The following DLG2 variants were observed in gnomAD, a reference collection of about 807,000 sequenced individuals.
DLG2 encodes disks large homolog 2.
In DLG2, 45 loss-of-function variants were observed where a neutral mutation model predicts 132.5. The ratio of observed to expected loss-of-function variants is 0.34; its 90% CI spans 0.27 to 0.44. The LOEUF is 0.44. DLG2 is among the 20% of genes least tolerant of loss of function. The pLI is 1.00. For synonymous variants in DLG2, 424 were observed against 419.6 expected (o/e 1.01, Z -0.13); for missense variants, 1,045 against 1,196.9 (o/e 0.87, Z 1.87).
intron 14 of DLG2, among the ~76,000 whole-genome samples, chr11:83,958,735 T>C (rs2087607395): frequency 6.6e-6 from 1 of 152,146 alleles, no homozygotes; most frequent in South Asian, 2.1e-4. Context: ...ATAGAACTCA[T>C]AGTTACCGGT....
At chr11:84,787,544 C>A (rs1481552452) in intron 6 of DLG2, among the ~76,000 whole-genome samples, 2 of 152,146 alleles carry the variant, frequency 1.3e-5, no homozygotes, top group African/African-American at 4.8e-5. Context: ...TCCCTCTGTT[C>A]CACCTCTTTA....
intron 18 of DLG2, among the ~76,000 whole-genome samples, chr11:83,751,907 T>C (rs2153736730): frequency 6.6e-6 from 1 of 152,328 alleles, no homozygotes; most frequent in Middle Eastern, 3.4e-3. Context: ...TGGGAATTAT[T>C]AGCATTGAGC....
At chr11:83,926,641 A>G (rs918110562) in intron 15 of DLG2, among the ~76,000 whole-genome samples, 1 of 152,114 alleles carries the variant, frequency 6.6e-6, no homozygotes, top group East Asian at 1.9e-4. Context: ...GAATATTTAT[A>G]TTTAACCATG....
intron 18 of DLG2, among the ~76,000 whole-genome samples, chr11:83,662,048 T>G (rs183183275): frequency 6.6e-6 from 1 of 152,178 alleles, no homozygotes. Flanking sequence ...TCAAAGATGG[T>G]CTACCTTAAA....
At chr11:84,502,363 T>A (rs999334024) in intron 7 of DLG2, among the ~76,000 whole-genome samples, 2 of 78,602 alleles carry the variant, frequency 2.5e-5, no homozygotes, top group African/African-American at 7.4e-5. Context: ...TCTTTCTTTC[T>A]TTCTTTCTTT....
intron 6 of DLG2, among the ~76,000 whole-genome samples, chr11:84,550,143 CACACACAT>C (rs915860044): frequency 2.0e-5 from 3 of 151,706 alleles, no homozygotes; most frequent in Admixed American, 1.3e-4. Context: ...CACACACACA[CACACACAT>C]ACACACACAT....
intron 18 of DLG2, among the ~76,000 whole-genome samples, chr11:83,657,130 C>G (rs1005330797): frequency 6.6e-6 from 1 of 152,188 alleles, no homozygotes; most frequent in African/African-American, 2.4e-5. Flanking sequence ...TAAAACTTGT[C>G]TTATTCTGTC....
At chr11:85,589,054 G>A (rs950373392) in intron 3 of DLG2, among the ~76,000 whole-genome samples, 3 of 152,166 alleles carry the variant, frequency 2.0e-5, no homozygotes, top group Non-Finnish European at 4.4e-5. Context: ...GGATACCAGC[G>A]CCTGCCCTGT....
intron 7 of DLG2, among the ~76,000 whole-genome samples, chr11:84,298,801 G>T (rs116978601): frequency 0.016 from 2,403 of 152,286 alleles, 29 homozygotes; most frequent in Non-Finnish European, 0.023. Context: ...CATGAGCAAA[G>T]ATTTGGCTGG....
At chr11:83,917,927 T>G (rs115807828) in intron 15 of DLG2, among the ~76,000 whole-genome samples, 2,761 of 152,250 alleles carry the variant, frequency 0.018, 88 homozygotes, top group African/African-American at 0.063. Context: ...TTGAAGTTCA[T>G]TATTCCCTTA....
intron 6 of DLG2, among the ~76,000 whole-genome samples, chr11:84,725,437 C>T (rs1220038179): frequency 1.3e-5 from 2 of 152,078 alleles, no homozygotes; most frequent in African/African-American, 4.8e-5. Flanking sequence ...CCACTTATTT[C>T]ATTTAATCTT....
chr11:84,427,927 G>A (rs1401502438), intron 7 of DLG2, among the ~76,000 whole-genome samples: 2 of 152,226 alleles, frequency 1.3e-5, no homozygotes, highest in Non-Finnish European at 2.9e-5. Flanking sequence ...GTGAGGAACA[G>A]TGAATGGTAT....
chr11:83,705,180 T>C (rs1177494390), intron 18 of DLG2, among the ~76,000 whole-genome samples: 2 of 152,240 alleles, frequency 1.3e-5, no homozygotes, highest in African/African-American at 4.8e-5. Context: ...CTGTTTCCTC[T>C]GCATATTTTC....
intron 6 of DLG2, among the ~76,000 whole-genome samples, chr11:84,645,536 C>T (rs2099673706): frequency 6.6e-6 from 1 of 152,160 alleles, no homozygotes. Context: ...CGCACGATCT[C>T]GGCTCACTGC....
chr11:84,851,930 TATTA>T (rs1188882570), intron 6 of DLG2, among the ~76,000 whole-genome samples: 2 of 151,982 alleles, frequency 1.3e-5, no homozygotes, highest in African/African-American at 2.4e-5. Flanking sequence ...ACAATAAAAA[TATTA>T]ATTAAATAAT....
intron 7 of DLG2, among the ~76,000 whole-genome samples, chr11:84,472,800 T>G (rs2099111904): frequency 6.6e-6 from 1 of 152,018 alleles, no homozygotes; most frequent in South Asian, 2.1e-4. Context: ...GATAAATATT[T>G]ATAGATATAT....
chr11:84,037,801 G>A (rs2095909096), intron 11 of DLG2, among the ~76,000 whole-genome samples: 1 of 151,920 alleles, frequency 6.6e-6, no homozygotes, highest in South Asian at 2.1e-4. Context: ...AACATTTTCA[G>A]TTTCATACAT....
chr11:84,379,423 G>A (rs2098741646), intron 7 of DLG2, among the ~76,000 whole-genome samples: 2 of 151,930 alleles, frequency 1.3e-5, no homozygotes, highest in South Asian at 2.1e-4. Context: ...TAAACAGCAG[G>A]TTAGACACAC....
intron 6 of DLG2, among the ~76,000 whole-genome samples, chr11:84,934,325 G>C (rs187823216): frequency 6.6e-6 from 1 of 151,760 alleles, no homozygotes; most frequent in East Asian, 1.9e-4. Context: ...ATATTGGCCT[G>C]AAGTTTTCTT....
Sources: allele counts gnomAD v4.1 joint callset (sites outside exome capture counted in the v4.1 genomes callset), GRCh38; gene constraint gnomAD v4.1.1; transcripts MANE v1.5; gene names NCBI Gene and HGNC (gene_info 2026-07-23, HGNC 2026-07-21).